Variants in PDE4D observed in about 807,000 individuals in gnomAD.
The protein encoded by PDE4D is 3',5'-cyclic-AMP phosphodiesterase 4D.
A neutral mutation model predicts 87.4 loss-of-function variants in PDE4D; 24 were observed. The observed-to-expected ratio is 0.27, with a 90% confidence interval of 0.20 to 0.39. PDE4D has a LOEUF of 0.39. Ranked by LOEUF, PDE4D falls within the 10% of genes least tolerant of loss-of-function variation. PDE4D has a pLI of 1.00. For missense variants in PDE4D, 714 were observed against 1,041.0 expected, an observed-to-expected ratio of 0.69 and a Z score of 4.32; for synonymous variants, 384 against 383.2, an observed-to-expected ratio of 1.00 and a Z score of -0.02.
intron 1 of PDE4D, among the ~76,000 whole-genome samples, chr5:59,705,196 C>A (rs969495942): frequency 2.6e-5 from 4 of 152,052 alleles, no homozygotes; most frequent in Non-Finnish European, 5.9e-5. Flanking sequence ...AAAGATTGTT[C>A]CAGGCCTGAG....
chr5:59,435,036 G>A (rs987231094), intron 1 of PDE4D, among the ~76,000 whole-genome samples: 1 of 152,030 alleles, frequency 6.6e-6, no homozygotes, highest in Non-Finnish European at 1.5e-5. Context: ...GTTAAGTGGT[G>A]GAGTCAGAGT....
chr5:60,081,252 C>T (rs1460177975), intron 2 of PDE4D, among the ~76,000 whole-genome samples: 5 of 150,818 alleles, frequency 3.3e-5, no homozygotes, highest in Non-Finnish European at 5.9e-5. Flanking sequence ...TTTTTTATTG[C>T]ATCTATTTGA....
At chr5:59,008,641 G>A (rs1426010372) in intron 6 of PDE4D, among the ~76,000 whole-genome samples, 1 of 151,938 alleles carries the variant, frequency 6.6e-6, no homozygotes, top group Admixed American at 6.6e-5. Context: ...ACTTCTAGAA[G>A]AAAACACAGT....
chr5:59,354,023 G>A (rs1780947914), intron 1 of PDE4D, among the ~76,000 whole-genome samples: 1 of 152,052 alleles, frequency 6.6e-6, no homozygotes, highest in Admixed American at 6.6e-5. Context: ...CCTTTAGCCT[G>A]AATATTACCA....
chr5:58,982,252 AG>A (rs1223266216), intron 11 of PDE4D, among the ~76,000 whole-genome samples: 1 of 152,180 alleles, frequency 6.6e-6, no homozygotes, highest in African/African-American at 2.4e-5. Flanking sequence ...ATGCTGATTC[AG>A]AGCATATATG....
chr5:59,759,919 T>C (rs1217175125), intron 1 of PDE4D, among the ~76,000 whole-genome samples: 2 of 152,092 alleles, frequency 1.3e-5, no homozygotes, highest in Non-Finnish European at 2.9e-5. Context: ...AAGATAACCT[T>C]AAAGCTAAGC....
intron 1 of PDE4D, among the ~76,000 whole-genome samples, chr5:59,328,837 C>A (rs960425389): frequency 6.6e-6 from 1 of 152,206 alleles, no homozygotes; most frequent in Admixed American, 6.5e-5. Context: ...CAATTGAATA[C>A]GTGTACTTGA....
At chr5:59,151,995 C>A (rs1057493182) in intron 5 of PDE4D, among the ~76,000 whole-genome samples, 1 of 151,958 alleles carries the variant, frequency 6.6e-6, no homozygotes. Context: ...AGGAGAAGAT[C>A]GGAGAAAACA....
intron 1 of PDE4D, among the ~76,000 whole-genome samples, chr5:59,886,529 T>TA (rs925667201): frequency 1.3e-5 from 2 of 151,306 alleles, no homozygotes; most frequent in African/African-American, 4.9e-5. Flanking sequence ...AATAAAAAAA[T>TA]AAAAAAATAA....
At chr5:60,396,167 T>C (rs1762871023) in intron 1 of PDE4D, among the ~76,000 whole-genome samples, 2 of 152,302 alleles carry the variant, frequency 1.3e-5, no homozygotes, top group South Asian at 2.1e-4. Flanking sequence ...ACTGCGCATG[T>C]TCCCAAATTT....
In PDE4D at chr5:59,367,684, A is replaced by T. The variant is rs1465462418; in HGVS notation, c.456-151716T>A. On this transcript the variant is annotated intron_variant, in intron 1 of 14. Transcript: ENST00000340635. The stretch of plus-strand genomic sequence containing the variant: ...CACATCATTTAACACCTATGATGGT[A>T]TTATTTAAAATCAAATCATTAATAG... Among the ~76,000 whole-genome samples, 6 of 152,346 alleles carry T rather than the reference A, an allele frequency of 3.9e-5. No homozygotes were observed. In the East Asian group the frequency reaches 7.7e-4, roughly 20 times the overall value.
At chr5:59,653,225 T>TTTTTC (rs1188904512) in intron 1 of PDE4D, among the ~76,000 whole-genome samples, 1 of 150,578 alleles carries the variant, frequency 6.6e-6, no homozygotes, top group African/African-American at 2.4e-5. Context: ...TTTTTTTTTT[T>TTTTTC]AGACAGAGTT....
intron 3 of PDE4D, among the ~76,000 whole-genome samples, chr5:59,192,198 CT>C (rs1639115533): frequency 6.6e-6 from 1 of 152,120 alleles, no homozygotes; most frequent in African/African-American, 2.4e-5. Context: ...CATAATCCTA[CT>C]ATCTAAACCC....
chr5:60,317,509 T>G (rs1052464671), intron 1 of PDE4D, among the ~76,000 whole-genome samples: 1 of 152,222 alleles, frequency 6.6e-6, no homozygotes, highest in Admixed American at 6.5e-5. Context: ...CTGATCTTAG[T>G]TATTTCTTGC....
At chr5:59,780,485 AGCATTAACT>A (rs1281972423) in intron 1 of PDE4D, among the ~76,000 whole-genome samples, 4 of 152,366 alleles carry the variant, frequency 2.6e-5, no homozygotes, top group African/African-American at 9.6e-5. Context: ...AGAAGGAAAA[AGCATTAACT>A]TTCTTTTTCG....
chr5:59,758,565 T>C (rs1761572696), intron 1 of PDE4D, among the ~76,000 whole-genome samples: 1 of 152,184 alleles, frequency 6.6e-6, no homozygotes, highest in Non-Finnish European at 1.5e-5. Flanking sequence ...TGTGTTAAGA[T>C]GGTATAAAAT....
At chr5:59,507,163 C>A (rs1463606243) in intron 1 of PDE4D, among the ~76,000 whole-genome samples, 2 of 152,092 alleles carry the variant, frequency 1.3e-5, no homozygotes, top group Non-Finnish European at 2.9e-5. Flanking sequence ...AAAACCCCAT[C>A]TCTACTAAAA....
intron 1 of PDE4D, among the ~76,000 whole-genome samples, chr5:60,197,077 TTAGA>T (rs70975372): frequency 0.031 from 3,639 of 116,572 alleles, 182 homozygotes; most frequent in South Asian, 0.044. Flanking sequence ...AGATAGACAG[TTAGA>T]TAGATAGATA....
At chr5:60,296,400 C>T (rs1490725604) in intron 1 of PDE4D, among the ~76,000 whole-genome samples, 1 of 152,046 alleles carries the variant, frequency 6.6e-6, no homozygotes, top group Admixed American at 6.5e-5. Flanking sequence ...GAGAAAATGT[C>T]TTGAGGTACC....
Sources: gnomAD v4.1 joint callset for allele counts (sites outside exome capture counted in the v4.1 genomes callset) on GRCh38, gnomAD v4.1.1 for gene constraint, MANE v1.5 for transcripts, NCBI Gene and HGNC (gene_info 2026-07-23, HGNC 2026-07-21) for gene names.